Variants in UBE3C observed in about 807,000 individuals in gnomAD.
The protein encoded by UBE3C is ubiquitin-protein ligase E3C.
UBE3C carries 42 observed loss-of-function variants against 129.4 expected under a neutral mutation model. That is an observed-to-expected ratio of 0.32 (90% CI 0.25 to 0.42). The LOEUF (loss-of-function observed/expected upper bound fraction) is 0.42. Ranked by LOEUF, UBE3C falls within the 10% of genes least tolerant of loss-of-function variation. The pLI is 1.00. For synonymous variants in UBE3C, 510 were observed against 492.4 expected, an observed-to-expected ratio of 1.04 and a Z score of -0.47; for missense variants, 1,049 against 1,319.1, an observed-to-expected ratio of 0.80 and a Z score of 3.17.
Position 157,179,566 on chromosome 7 carries a change from C to T in UBE3C, c.616+719C>T, listed in dbSNP as rs187749543. Among the ~76,000 whole-genome samples the T allele has an allele frequency of 2.4e-4, 36 of 152,254 alleles. No homozygotes were observed. In the East Asian group the frequency reaches 6.0e-3, roughly 25 times the overall value. The stretch of plus-strand genomic sequence containing the variant: ...CCTAACACAAAAGAACCTTTGGTCT[C>T]GACATCCTCATAGGTAGAAACCCAA... On this transcript the variant is annotated intron_variant, in intron 6 of 22. Coordinates refer to ENST00000348165, the MANE Select transcript of UBE3C (RefSeq NM_014671.3).
chr7:157,182,375 A>T (rs765763147), intron 8 of UBE3C, 47 bp downstream of exon 8: 3 of 1,583,164 alleles, frequency 1.9e-6, no homozygotes, highest in South Asian at 2.3e-5. Flanking sequence ...TATGGGTAGC[A>T]TTGGCAGATG....
At position 157,223,242 on chromosome 7, in the gene UBE3C, A is replaced by G; in HGVS notation, c.2003-12A>G. The G allele has an allele frequency of 6.2e-7, 1 of 1,613,930 alleles. No individual in the cohort carries two copies. Among genetic ancestry groups the G allele is most frequent in the Middle Eastern group, 1.7e-4 (1 of 6,060 alleles). ...ACAAGTGAACTAATTAAGGTTTTAAAATGTGTTTTAGTGGGTTTGGAGTCC... is the reference window on the plus strand; with the variant it reads ...ACAAGTGAACTAATTAAGGTTTTAAGATGTGTTTTAGTGGGTTTGGAGTCC... On this transcript the variant is annotated splice_polypyrimidine_tract_variant and intron_variant, in intron 15 of 22. Coordinates refer to ENST00000348165, the MANE Select transcript of UBE3C (RefSeq NM_014671.3).
intron 1 of UBE3C, among the ~76,000 whole-genome samples, chr7:157,140,195 T>C (rs560812868): frequency 3.5e-4 from 45 of 127,464 alleles, no homozygotes; most frequent in African/African-American, 7.3e-4. Flanking sequence ...ATTTCTGAAA[T>C]GTTCTTTAAA....
rs980298476 is a variant in UBE3C, at chr7:157,248,514, C to T, written c.2628C>T (p.Tyr876=). 22 of 1,613,044 alleles carry T rather than the reference C, an allele frequency of 1.4e-5. No homozygotes were observed. The highest frequency in any genetic ancestry group is 1.3e-4 in the Admixed American group (8 of 59,990). The change falls in exon 19 of 23, where the codon TAC becomes TAT. Residue 876 remains tyrosine (Y), a synonymous_variant. Transcript: ENST00000348165. Reference sequence around the variant, plus strand: ...AGAATTTGCTCTTTCTGAAGAGCTACGAAGACGATGTGGAGGAGCTTGGGC... The same window carrying T: ...AGAATTTGCTCTTTCTGAAGAGCTATGAAGACGATGTGGAGGAGCTTGGGC... ...VYKNLLFLKS[Y]EDDVEELGLN...
rs1257993695 is a variant in UBE3C at position 157,183,920 on chromosome 7, T to C, written c.1034T>C (p.Leu345Pro). 6.2e-7 allele frequency: 1 copy of C among 1,614,094 alleles called. No individual in the cohort carries two copies. Among genetic ancestry groups the C allele is most frequent in the Non-Finnish European group, 8.5e-7 (1 of 1,180,036 alleles). ...EEGLLVYLRV[L>P]QTFLSQLPVS... ...GGGCTGCTGGTGTATTTGCGGGTGC[T>C]GCAGACCTTCCTCTCTCAGTTACCA... is the stretch of plus-strand genomic sequence containing the variant. The change falls in exon 9 of 23, where the codon CTG (leucine) becomes CCG (proline). Residue 345 changes from leucine to proline, a missense_variant. This residue lies in a region of UBE3C where 489 missense variants were observed against 513.8 expected (regional missense o/e 0.95). Transcript: ENST00000348165.
chr7:157,227,542 CA>C (rs199763738), intron 17 of UBE3C, among the ~76,000 whole-genome samples: 1 of 150,100 alleles, frequency 6.7e-6, no homozygotes, highest in Non-Finnish European at 1.5e-5. Flanking sequence ...ACTAAAAATA[CA>C]AAAAAAAATA....
At chr7:157,227,277 T>G (rs1389661486) in intron 17 of UBE3C, among the ~76,000 whole-genome samples, 9 of 152,088 alleles carry the variant, frequency 5.9e-5, no homozygotes, top group Admixed American at 5.9e-4. Context: ...GAGCTGAGTT[T>G]GTGGGTGAGG....
At chr7:157,149,302 C>T (rs747507733) in intron 1 of UBE3C, among the ~76,000 whole-genome samples, 55 of 152,098 alleles carry the variant, frequency 3.6e-4, no homozygotes, top group Non-Finnish European at 6.8e-4. Context: ...GTGATCCACC[C>T]ACCTCAGCCT....
intron 17 of UBE3C, among the ~76,000 whole-genome samples, chr7:157,226,604 G>A (rs1322406627): frequency 2.0e-5 from 3 of 152,064 alleles, no homozygotes; most frequent in African/African-American, 7.2e-5. Context: ...TTCTTCTAAG[G>A]AAATGAAACC....
chr7:157,243,931 C>T (rs1023031531), intron 18 of UBE3C, among the ~76,000 whole-genome samples: 11 of 152,124 alleles, frequency 7.2e-5, no homozygotes, highest in African/African-American at 2.7e-4. Flanking sequence ...TGGACTCTTG[C>T]ATTAAAGATG....
chr7:157,163,017 T>G (rs529271331), intron 1 of UBE3C, among the ~76,000 whole-genome samples: 4 of 152,216 alleles, frequency 2.6e-5, no homozygotes, highest in Non-Finnish European at 5.9e-5. Flanking sequence ...AAAAAAATTT[T>G]CATCAAAGAA....
intron 18 of UBE3C, among the ~76,000 whole-genome samples, chr7:157,246,888 G>A (rs906513028): frequency 7.2e-5 from 11 of 152,054 alleles, no homozygotes; most frequent in African/African-American, 2.7e-4. Flanking sequence ...TCTGAAGACT[G>A]GATATTTTCT....
intron 10 of UBE3C, among the ~76,000 whole-genome samples, chr7:157,198,968 A>G (rs933152373): frequency 6.6e-6 from 1 of 152,254 alleles, no homozygotes; most frequent in Admixed American, 6.5e-5. Context: ...ATGGTATTTC[A>G]GAAATATGTA....
intron 19 of UBE3C, among the ~76,000 whole-genome samples, chr7:157,252,688 C>T (rs1796648080): frequency 6.6e-6 from 1 of 152,210 alleles, no homozygotes; most frequent in African/African-American, 2.4e-5. Context: ...GAGACTGGGA[C>T]ATCAGTGCCA....
chr7:157,265,757 T>A (rs989926015), intron 22 of UBE3C, among the ~76,000 whole-genome samples: 1 of 152,212 alleles, frequency 6.6e-6, no homozygotes, highest in African/African-American at 2.4e-5. Context: ...ATTTCATCTC[T>A]GGGAGCACTT....
chr7:157,156,032 T>A (rs751217951), intron 1 of UBE3C, among the ~76,000 whole-genome samples: 20 of 152,184 alleles, frequency 1.3e-4, no homozygotes, highest in Non-Finnish European at 2.6e-4. Context: ...ACCAAAAACT[T>A]GTTAATCAAT....
intron 1 of UBE3C, among the ~76,000 whole-genome samples, chr7:157,154,731 C>T (rs1807855540): frequency 1.3e-5 from 2 of 152,114 alleles, no homozygotes. Flanking sequence ...TTGCGTTTTG[C>T]ATTGGATACT....
intron 10 of UBE3C, among the ~76,000 whole-genome samples, chr7:157,193,017 G>A (rs1809016434): frequency 6.6e-6 from 1 of 152,166 alleles, no homozygotes; most frequent in African/African-American, 2.4e-5. Context: ...AGTAAGAAGG[G>A]CTGGCTGTTT....
chr7:157,238,604 G>A (rs1796213323), intron 18 of UBE3C, among the ~76,000 whole-genome samples: 1 of 152,100 alleles, frequency 6.6e-6, no homozygotes, highest in Admixed American at 6.5e-5. Flanking sequence ...GGTGTGGAGA[G>A]GGAGGCATTC....
Sources: gnomAD v4.1 joint callset for allele counts (sites outside exome capture counted in the v4.1 genomes callset) on GRCh38, gnomAD v4.1.1 for gene constraint, gnomAD v4.1.1 regional missense constraint, MANE v1.5 for transcripts, NCBI Gene and HGNC (gene_info 2026-07-23, HGNC 2026-07-21) for gene names.